Variants in CEP68 observed in about 807,000 individuals in gnomAD.
CEP68 encodes centrosomal protein of 68 kDa.
CEP68 carries 26 observed loss-of-function variants against 55.3 expected under a neutral mutation model. The ratio of observed to expected loss-of-function variants is 0.47; its 90% CI spans 0.34 to 0.65. The LOEUF is 0.65. Among genes scored for constraint, CEP68 ranks in the 30% least tolerant of loss-of-function variants. The pLI is 0.01. For missense variants in CEP68, 957 were observed against 946.7 expected (o/e 1.01, Z -0.14); for synonymous variants, 402 against 383.2 (o/e 1.05, Z -0.57).
At chr2:65,076,649 G>A (rs1233395912) in intron 4 of CEP68, among the ~76,000 whole-genome samples, 5 of 152,100 alleles carry the variant, frequency 3.3e-5, no homozygotes, top group African/African-American at 4.8e-5. Context: ...TTAACACGGG[G>A]TTGCAGCAGC....
Position 65,072,570 on chromosome 2 carries a change from GT to G in CEP68, c.1477del (p.Ser493LeufsTer7). The stretch of plus-strand genomic sequence containing the variant: ...TGCCCTCCCCGCTCGGCTGACACAG[GT>G]TTCTAGCCTGGTTTCGTATCTAGGA... Reference protein sequence around the residue: ...YLALPARLTQVSSLVSYLGSI... With the variant: ...YLALPARLTQXSSLVSYLGSI... On this transcript the variant is annotated frameshift_variant, in exon 3 of 7. Coordinates refer to ENST00000377990, the MANE Select transcript of CEP68 (RefSeq NM_015147.3). LOFTEE classifies it high-confidence loss of function. 1 of 1,614,134 alleles carries G rather than the reference GT, an allele frequency of 6.2e-7. No homozygotes were observed. Among genetic ancestry groups the G allele is most frequent in the Non-Finnish European group, 8.5e-7 (1 of 1,180,014 alleles).
In CEP68 at chr2:65,071,663, C is replaced by T. The variant is rs1397297085; in HGVS notation, c.567C>T (p.Ser189=). 12 of 1,614,056 alleles carry T rather than the reference C, an allele frequency of 7.4e-6. No homozygotes were observed. Among genetic ancestry groups the T allele is most frequent in the Admixed American group, 5.0e-5 (3 of 60,002 alleles). ...GGAAGTCCGTGCTGAGCCCAGGTTC[C>T]GCAGCTCAGCCTTCCAGCTGCAGCA... ...SQWKSVLSPG[S]AAQPSSCSIS... The change falls in exon 3 of 7, where the codon TCC becomes TCT. Residue 189 remains serine (S), a synonymous_variant. Transcript: ENST00000377990.
rs1456142004 is a variant in CEP68, at chr2:65,086,381, T to G, written c.*2747T>G. ...AAAACCTGTAGTAGCTTTGAACCGT[T>G]TGTACTTGAAAATGGGGGTATAAAG... On this transcript the variant is annotated 3_prime_UTR_variant, in exon 7 of 7. Coordinates refer to ENST00000377990, the MANE Select transcript of CEP68 (RefSeq NM_015147.3). The G allele has an allele frequency of 1.3e-5, 2 of 152,200 alleles. No homozygotes were observed. The highest frequency in any genetic ancestry group is 2.9e-5 in the Non-Finnish European group (2 of 68,028). The allele number at this position is 152,200 out of a possible 1,614,324, so 9.4% of individuals were successfully genotyped here. A position where few individuals can be genotyped will look rare whatever the true frequency, so the allele number is the denominator to read the frequency against.
chr2:65,086,826 T>C lies in CEP68; in HGVS notation c.*3192T>C, dbSNP rs1332204052. Reference sequence around the variant, plus strand: ...ATTTGTCAGTTGCCTTATGTGAGGATGAATAGATCCACCAAGCACGCCTAT... The same window carrying C: ...ATTTGTCAGTTGCCTTATGTGAGGACGAATAGATCCACCAAGCACGCCTAT... On this transcript the variant is annotated 3_prime_UTR_variant, in exon 7 of 7. Transcript: ENST00000377990. 1 of 152,652 alleles carries C rather than the reference T, an allele frequency of 6.6e-6. No individual in the cohort carries two copies. Among genetic ancestry groups the C allele is most frequent in the Non-Finnish European group, 1.5e-5 (1 of 68,040 alleles). The allele number at this position is 152,652 out of a possible 1,614,324, so 9.5% of individuals were successfully genotyped here.
At chr2:65,067,227 A>C (rs1558557940) in intron 1 of CEP68, among the ~76,000 whole-genome samples, 2 of 151,910 alleles carry the variant, frequency 1.3e-5, no homozygotes, top group Non-Finnish European at 2.9e-5. Flanking sequence ...AAAATATAAA[A>C]AAATTAGCCA....
chr2:65,059,611 A>T (rs1163140525), intron 1 of CEP68, among the ~76,000 whole-genome samples: 1 of 152,210 alleles, frequency 6.6e-6, no homozygotes, highest in African/African-American at 2.4e-5. Flanking sequence ...GACAAGGGCC[A>T]TAAATTTTCT....
intron 1 of CEP68, 150 bp from the exon 2 acceptor site, chr2:65,069,249 G>A (rs545670346): frequency 7.3e-5 from 35 of 477,492 alleles, no homozygotes; most frequent in Middle Eastern, 1.2e-3. Context: ...GGGAAAAGCC[G>A]GAACTCGGTG....
intron 1 of CEP68, among the ~76,000 whole-genome samples, chr2:65,063,626 G>T (rs1411242902): frequency 6.6e-6 from 1 of 152,166 alleles, no homozygotes; most frequent in Non-Finnish European, 1.5e-5. Context: ...TACCCCAGAG[G>T]GTTAGGAGGA....
At chr2:65,073,074 C>T in intron 3 of CEP68, 94 bp downstream of exon 3, 2 of 1,407,310 alleles carry the variant, frequency 1.4e-6, no homozygotes, top group South Asian at 2.4e-5. Flanking sequence ...TCATGTTGAC[C>T]AGGCACTTTT....
At position 65,072,903 on chromosome 2, in the gene CEP68, T is replaced by C; in HGVS notation, c.1807T>C (p.Ser603Pro). 2 of 1,614,128 alleles carry C rather than the reference T, an allele frequency of 1.2e-6. No individual in the cohort carries two copies. The highest frequency in any genetic ancestry group is 2.2e-5 in the South Asian group (2 of 91,072). Reference protein sequence around the residue: ...LPARLDRWPFSDPDVEGQLPR... With the variant: ...LPARLDRWPFPDPDVEGQLPR... ...AGCTAGGTTGGACCGGTGGCCATTC[T>C]CAGACCCAGATGTTGAAGGGCAGCT... is the stretch of plus-strand genomic sequence containing the variant. Residue 603 changes from serine (S) to proline (P), a missense_variant, in exon 3 of 7, where the codon TCA (serine) becomes CCA (proline). Ser to Pro is a moderately conservative substitution (Grantham distance 74). Coordinates refer to ENST00000377990, the MANE Select transcript of CEP68 (RefSeq NM_015147.3).
At chr2:65,058,497 CTTTTTTTTTT>C (rs34477880) in intron 1 of CEP68, among the ~76,000 whole-genome samples, 17 of 75,680 alleles carry the variant, frequency 2.2e-4, no homozygotes, top group South Asian at 1.7e-3. Flanking sequence ...GATTTTTTTC[CTTTTTTTTTT>C]TTTTTTTTTT....
intron 2 of CEP68, 33 bp downstream of exon 2, chr2:65,069,834 A>G: frequency 6.4e-7 from 1 of 1,554,182 alleles, no homozygotes; most frequent in Non-Finnish European, 8.9e-7. Context: ...AGATGGACCC[A>G]TTGCTGTCCT....
At position 65,078,218 on chromosome 2, in the gene CEP68, C is replaced by T. The variant is rs561319769; in HGVS notation, c.2104+254C>T. On this transcript the variant is annotated intron_variant, in intron 5 of 6. Coordinates refer to ENST00000377990, the MANE Select transcript of CEP68 (RefSeq NM_015147.3). Reference sequence around the variant, plus strand: ...TTAGGCATTGAGCCTGCAAGAATGACGCTGTCTTTTGCTTCTGCTTTTGTA... The same window carrying T: ...TTAGGCATTGAGCCTGCAAGAATGATGCTGTCTTTTGCTTCTGCTTTTGTA... Among the ~76,000 whole-genome samples, 140 of 152,302 alleles carry T rather than the reference C, an allele frequency of 9.2e-4. No homozygotes were observed. The South Asian group carries it at 0.021, about 23-fold the overall frequency.
At chr2:65,066,498 G>A (rs935688005) in intron 1 of CEP68, among the ~76,000 whole-genome samples, 1 of 147,202 alleles carries the variant, frequency 6.8e-6, no homozygotes, top group African/African-American at 2.4e-5. Context: ...GGGAGGCTGA[G>A]GCGGGTGGAT....
At chr2:65,059,824 A>G (rs1233789011) in intron 1 of CEP68, among the ~76,000 whole-genome samples, 4 of 152,158 alleles carry the variant, frequency 2.6e-5, no homozygotes, top group African/African-American at 9.7e-5. Context: ...TGCATTCCCA[A>G]CGAGCTCTGA....
chr2:65,063,752 G>A (rs922913819), intron 1 of CEP68, among the ~76,000 whole-genome samples: 2 of 152,206 alleles, frequency 1.3e-5, no homozygotes, highest in Admixed American at 6.5e-5. Flanking sequence ...AAACTTGTGC[G>A]TTTATCATAG....
At chr2:65,078,962 A>G (rs143809202) in intron 5 of CEP68, among the ~76,000 whole-genome samples, 74 of 152,350 alleles carry the variant, frequency 4.9e-4, no homozygotes, top group Non-Finnish European at 8.1e-4. Flanking sequence ...TCTTTACAGG[A>G]CGAGGGCATG....
intron 1 of CEP68, among the ~76,000 whole-genome samples, chr2:65,065,630 G>A (rs898965364): frequency 2.6e-5 from 4 of 152,180 alleles, no homozygotes; most frequent in African/African-American, 9.7e-5. Context: ...ATTAAATAGT[G>A]AAATAAATGT....
chr2:65,063,557 C>T (rs996028167), intron 1 of CEP68, among the ~76,000 whole-genome samples: 2 of 152,218 alleles, frequency 1.3e-5, no homozygotes, highest in African/African-American at 4.8e-5. Context: ...ATTCACCAGT[C>T]TGAGAAGGAT....
Sources: gnomAD v4.1 joint callset for allele counts (sites outside exome capture counted in the v4.1 genomes callset) on GRCh38, gnomAD v4.1.1 for gene constraint, MANE v1.5 for transcripts, NCBI Gene and HGNC (gene_info 2026-07-23, HGNC 2026-07-21) for gene names.